The following ACVRL1 variants were observed in gnomAD, a reference collection of about 807,000 sequenced individuals.
The protein encoded by ACVRL1 is activin A receptor like type 1, also known as activin receptor type-1-like.
In ACVRL1, 20 loss-of-function variants were observed where a neutral mutation model predicts 51.9. That is an observed-to-expected ratio of 0.39 (90% CI 0.27 to 0.56). ACVRL1 has a LOEUF of 0.56. Ranked by LOEUF, ACVRL1 falls within the 20% of genes least tolerant of loss-of-function variation. The pLI is 0.67. For synonymous variants in ACVRL1, 288 were observed against 280.9 expected (o/e 1.03, Z -0.25); for missense variants, 451 against 670.3 (o/e 0.67, Z 3.61).
intron 9 of ACVRL1, among the ~76,000 whole-genome samples, chr12:51,920,049 G>A (rs1940933814): frequency 6.6e-6 from 1 of 152,182 alleles, no homozygotes; most frequent in South Asian, 2.1e-4. Flanking sequence ...CAACATATCC[G>A]CAAAAAGCCA....
chr12:51,914,003 G>A lies in ACVRL1; in HGVS notation c.555G>A (p.Gly185=). Residue 185 remains glycine, a synonymous_variant, in exon 5 of 10, where the codon GGG becomes GGA. Coordinates refer to ENST00000388922, the MANE Select transcript of ACVRL1 (RefSeq NM_000020.3). ...GDLLDSDCTT[G]SGSGLPFLVQ... is the part of the protein sequence containing the mutation. Reference sequence around the variant, plus strand: ...TCCTGGACAGTGACTGCACCACAGGGAGTGGCTCAGGGCTCCCCTTCCTGG... The same window carrying A: ...TCCTGGACAGTGACTGCACCACAGGAAGTGGCTCAGGGCTCCCCTTCCTGG... The A allele has an allele frequency of 6.2e-7, 1 of 1,613,788 alleles. No homozygotes were observed. The highest frequency in any genetic ancestry group is 2.2e-5 in the East Asian group (1 of 44,880).
At chr12:51,908,562 G>A (rs1219873475) in intron 1 of ACVRL1, among the ~76,000 whole-genome samples, 1 of 152,106 alleles carries the variant, frequency 6.6e-6, no homozygotes, top group Non-Finnish European at 1.5e-5. Flanking sequence ...GTGGAAGAGG[G>A]GTTACTATCC....
Position 51,913,335 on chromosome 12 carries a change from T to A in ACVRL1, c.298T>A (p.Ser100Thr), listed in dbSNP as rs1205777757. The A allele has an allele frequency of 7.4e-6, 12 of 1,612,138 alleles. No homozygotes were observed. In the Admixed American group the frequency reaches 1.0e-4, roughly 13 times the overall value. Residue 100 changes from serine to threonine, a missense_variant, in exon 3 of 10, where the codon TCC becomes ACC. Around this residue, in one of 2 missense-constraint regions of ACVRL1, gnomAD observed 192 missense variants for 216.9 expected, o/e 0.89. Transcript: ENST00000388922. ...CDSHLCNHNVSLVLEATQPPS... is the reference protein window; with the variant it reads ...CDSHLCNHNVTLVLEATQPPS... ...CAGCCACCTCTGCAACCACAACGTG[T>A]CCCTGGTGCTGGAGGGTACGTCCAG...
At chr12:51,910,299 C>G (rs779944971) in intron 1 of ACVRL1, among the ~76,000 whole-genome samples, 25 of 152,298 alleles carry the variant, frequency 1.6e-4, no homozygotes, top group Non-Finnish European at 3.4e-4. Flanking sequence ...GCATCCCACT[C>G]CCACTCACCC....
intron 6 of ACVRL1, among the ~76,000 whole-genome samples, 168 bp downstream of exon 6, chr12:51,914,753 TTAATTTA>T (rs1940790594): frequency 6.7e-6 from 1 of 150,022 alleles, no homozygotes; most frequent in African/African-American, 2.5e-5. Context: ...TTAATTTAAT[TTAATTTA>T]ATTTTTGAGA....
intron 1 of ACVRL1, among the ~76,000 whole-genome samples, chr12:51,910,243 A>G (rs1208255610): frequency 6.6e-6 from 1 of 152,158 alleles, no homozygotes; most frequent in African/African-American, 2.4e-5. Context: ...TCCCTTCTGT[A>G]GTAGATGGGG....
At chr12:51,913,442 GC>G in intron 3 of ACVRL1, 92 bp downstream of exon 3, 1 of 1,545,438 alleles carries the variant, frequency 6.5e-7, no homozygotes, top group Non-Finnish European at 8.7e-7. Context: ...CAATAAAGGG[GC>G]TGGGGGCGGG....
rs927098775 is a variant in ACVRL1, at chr12:51,917,756, C to T, written c.1247-1229C>T. ...TTGCCAGAGTGGGCTCTAAGGAGAC[C>T]GGGATCGGGGGAAAGAGGAACCTGG... is the stretch of plus-strand genomic sequence containing the variant. On this transcript the variant is annotated intron_variant, in intron 8 of 9. Transcript: ENST00000388922. The surrounding 1 kb of genome is among the most constrained non-coding windows in gnomAD (Gnocchi z 4.2). 2.0e-5 allele frequency among the ~76,000 whole-genome samples: 3 copies of T among 151,964 alleles called. No individual in the cohort carries two copies. The highest frequency in any genetic ancestry group is 7.3e-5 in the African/African-American group (3 of 41,378).
At chr12:51,909,589 G>A (rs1033626423) in intron 1 of ACVRL1, among the ~76,000 whole-genome samples, 3 of 151,752 alleles carry the variant, frequency 2.0e-5, no homozygotes, top group Non-Finnish European at 2.9e-5. Flanking sequence ...ATTTGTACAC[G>A]TCCACCGAGA....
In ACVRL1 at chr12:51,913,844, A is replaced by G. The variant is rs1940759745; in HGVS notation, c.525+74A>G. On this transcript the variant is annotated intron_variant, in intron 4 of 9. Coordinates refer to ENST00000388922, the MANE Select transcript of ACVRL1 (RefSeq NM_000020.3). The stretch of plus-strand genomic sequence containing the variant: ...AACTGCAGAATCAGAGGGGTCACCC[A>G]GAGATTAGAGCCGGTGGGGAGCTGG... 4 of 1,585,326 alleles carry G rather than the reference A, an allele frequency of 2.5e-6. No individual in the cohort carries two copies. The South Asian group carries it at 4.5e-5, about 18-fold the overall frequency.
At chr12:51,920,474 T>C (rs955599208) in intron 9 of ACVRL1, among the ~76,000 whole-genome samples, 1 of 152,142 alleles carries the variant, frequency 6.6e-6, no homozygotes, top group African/African-American at 2.4e-5. Flanking sequence ...TCTTTCTCCA[T>C]CCCTTTCTCA....
chr12:51,918,520 T>C (rs1255328208), intron 8 of ACVRL1, among the ~76,000 whole-genome samples: 3 of 152,142 alleles, frequency 2.0e-5, no homozygotes, highest in Admixed American at 6.5e-5. Context: ...TTATCAGGCA[T>C]GTGTGATAGT....
At chr12:51,911,027 G>A (rs1346850886) in intron 1 of ACVRL1, among the ~76,000 whole-genome samples, 1 of 152,206 alleles carries the variant, frequency 6.6e-6, no homozygotes, top group East Asian at 1.9e-4. Context: ...TGGGCTTTCT[G>A]AAGCCTCTGT....
In ACVRL1 at chr12:51,915,506, C is replaced by T; in HGVS notation, c.1048+6C>T. 1.2e-6 allele frequency: 2 copies of T among 1,604,456 alleles called. No individual in the cohort carries two copies. The highest frequency in any genetic ancestry group is 1.7e-6 in the Non-Finnish European group (2 of 1,174,514). ...GTGTTGCATCGCCGACCTGGGTGAG[C>T]CGGGCGGGGCAGGGGCGCGCCCTTC... On this transcript the variant is annotated splice_donor_region_variant and intron_variant, in intron 7 of 9. Coordinates refer to ENST00000388922, the MANE Select transcript of ACVRL1 (RefSeq NM_000020.3).
intron 7 of ACVRL1, 51 bp from the exon 8 acceptor site, chr12:51,915,984 CT>C (rs747345957): frequency 4.4e-6 from 7 of 1,583,330 alleles, no homozygotes; most frequent in Non-Finnish European, 4.3e-6. Flanking sequence ...TGCCTGCCCC[CT>C]GGATCCCAGG....
intron 9 of ACVRL1, 73 bp downstream of exon 9, chr12:51,919,188 G>A: frequency 1.9e-6 from 3 of 1,606,220 alleles, no homozygotes; most frequent in Middle Eastern, 1.7e-4. Flanking sequence ...CCAGGAACTT[G>A]TGTCTGAGGC....
At chr12:51,919,406 T>A in intron 9 of ACVRL1, 1 of 454,354 alleles carries the variant, frequency 2.2e-6, no homozygotes. Flanking sequence ...TGTGTGTGTT[T>A]GAGAGTCAGG....
In ACVRL1 at chr12:51,921,109, T is replaced by C. The variant is rs1592228666; in HGVS notation, c.*216T>C. 1 of 599,288 alleles carries C rather than the reference T, an allele frequency of 1.7e-6. No individual in the cohort carries two copies. The highest frequency in any genetic ancestry group is 3.0e-6 in the Non-Finnish European group (1 of 338,552). 37.1% of individuals were successfully genotyped at this position (599,288 alleles called of 1,614,324 possible). ...GGCCTGCTCAAAGCGGCAGGCTCCC[T>C]GACGCCTGGCTCTCTCCCCACCCCT... On this transcript the variant is annotated 3_prime_UTR_variant, in exon 10 of 10. Transcript: ENST00000388922.
chr12:51,916,096 T>TG lies in ACVRL1; in HGVS notation c.1112dup (p.Thr372HisfsTer20). 1 of 1,611,902 alleles carries TG rather than the reference T, an allele frequency of 6.2e-7. No homozygotes were observed. The highest frequency in any genetic ancestry group is 8.5e-7 in the Non-Finnish European group (1 of 1,178,938). On this transcript the variant is annotated frameshift_variant, in exon 8 of 10. Transcript: ENST00000388922. LOFTEE classifies it high-confidence loss of function. ...CTGGACATCGGCAACAACCCGAGAG[T>TG]GGGCACCAAGCGGTACATGGCACCC...
Sources: allele counts gnomAD v4.1 joint callset (sites outside exome capture counted in the v4.1 genomes callset), GRCh38; gene constraint gnomAD v4.1.1; regional missense constraint gnomAD v4.1.1; non-coding constraint Gnocchi (gnomAD v3.1); transcripts MANE v1.5; gene names NCBI Gene and HGNC (gene_info 2026-07-23, HGNC 2026-07-21).